The following JAZF1 variants were observed in gnomAD, a reference collection of about 807,000 sequenced individuals.
JAZF1 encodes JAZF zinc finger 1.
JAZF1 carries 8 observed loss-of-function variants against 26.4 expected under a neutral mutation model. The observed-to-expected ratio is 0.30, with a 90% confidence interval of 0.18 to 0.55. The LOEUF is 0.55. Among genes scored for constraint, JAZF1 ranks in the 20% least tolerant of loss-of-function variants. JAZF1 has a pLI of 0.94. For synonymous variants in JAZF1, 126 were observed against 122.3 expected (o/e 1.03, Z -0.20); for missense variants, 199 against 322.0 (o/e 0.62, Z 2.92).
chr7:27,992,338 A>G, intron 1 of JAZF1: 1 of 386,148 alleles, frequency 2.6e-6, no homozygotes, highest in East Asian at 7.7e-5. Context: ...AATTATGCTC[A>G]CTTCAATGCT....
chr7:28,029,468 C>T (rs545230618), intron 1 of JAZF1, among the ~76,000 whole-genome samples: 2 of 152,312 alleles, frequency 1.3e-5, no homozygotes, highest in South Asian at 2.1e-4. Context: ...GCACAGGCAA[C>T]AGAACAGACC....
intron 1 of JAZF1, among the ~76,000 whole-genome samples, chr7:28,138,905 A>G (rs768944610): frequency 2.0e-5 from 3 of 152,230 alleles, no homozygotes; most frequent in Non-Finnish European, 4.4e-5. Context: ...GGAGGCTCAA[A>G]TGAGATAACA....
intron 1 of JAZF1, 99 bp from the exon 2 acceptor site, chr7:27,992,080 T>C (rs774042562): frequency 3.8e-6 from 3 of 783,020 alleles, no homozygotes; most frequent in Admixed American, 1.8e-5. Flanking sequence ...AGAAAAAGAT[T>C]AATTTAGTAC....
At chr7:27,894,931 C>T (rs1356963822) in intron 3 of JAZF1, among the ~76,000 whole-genome samples, 1 of 152,048 alleles carries the variant, frequency 6.6e-6, no homozygotes, top group Non-Finnish European at 1.5e-5. Context: ...ATATGTATTA[C>T]AGAGCCCATT....
chr7:28,170,326 G>A (rs1226145933), intron 1 of JAZF1, among the ~76,000 whole-genome samples: 1 of 147,922 alleles, frequency 6.8e-6, no homozygotes, highest in South Asian at 2.1e-4. Context: ...TGAAGTAAAA[G>A]AGAAGTTGAT....
chr7:27,887,451 T>G (rs1466084619), intron 3 of JAZF1, among the ~76,000 whole-genome samples: 1 of 152,198 alleles, frequency 6.6e-6, no homozygotes, highest in Non-Finnish European at 1.5e-5. Context: ...AGTATCACTC[T>G]GTTACCCAGC....
intron 3 of JAZF1, among the ~76,000 whole-genome samples, chr7:27,851,309 C>T (rs1322369955): frequency 6.6e-6 from 1 of 152,166 alleles, no homozygotes; most frequent in Non-Finnish European, 1.5e-5. Context: ...CATATTTCAA[C>T]AAAATCATGC....
intron 1 of JAZF1, among the ~76,000 whole-genome samples, chr7:28,067,052 C>T (rs552722897): frequency 2.6e-5 from 4 of 152,220 alleles, no homozygotes; most frequent in South Asian, 4.1e-4. Flanking sequence ...AAATGAGAAT[C>T]TTTGACAAGC....
chr7:28,102,257 C>T (rs1234401268), intron 1 of JAZF1, among the ~76,000 whole-genome samples: 1 of 152,236 alleles, frequency 6.6e-6, no homozygotes, highest in East Asian at 1.9e-4. Context: ...AAGCAAATGT[C>T]TTTATCTCTT....
intron 1 of JAZF1, among the ~76,000 whole-genome samples, chr7:28,107,160 T>A (rs911671890): frequency 1.7e-4 from 26 of 152,338 alleles, no homozygotes; most frequent in African/African-American, 5.5e-4. Context: ...TATTTGTCCC[T>A]CAAACACCAA....
At chr7:28,067,818 T>C (rs1446470804) in intron 1 of JAZF1, among the ~76,000 whole-genome samples, 1 of 152,208 alleles carries the variant, frequency 6.6e-6, no homozygotes, top group Non-Finnish European at 1.5e-5. Context: ...GCTCACTTGC[T>C]AATCAGTGCC....
intron 3 of JAZF1, among the ~76,000 whole-genome samples, chr7:27,849,772 C>CATAT (rs1554329083): frequency 6.8e-6 from 1 of 147,014 alleles, no homozygotes; most frequent in Non-Finnish European, 1.5e-5. Context: ...CACACACACA[C>CATAT]ACCCCTACAC....
intron 1 of JAZF1, among the ~76,000 whole-genome samples, chr7:28,091,979 T>C (rs1183277134): frequency 6.6e-6 from 1 of 152,100 alleles, no homozygotes; most frequent in Admixed American, 6.6e-5. Flanking sequence ...TTTGCTACGA[T>C]GGCTTAATTA....
intron 2 of JAZF1, among the ~76,000 whole-genome samples, chr7:27,897,052 G>T: frequency 6.6e-6 from 1 of 151,822 alleles, no homozygotes; most frequent in East Asian, 1.9e-4. Context: ...TAAAAATACA[G>T]ACTCACAGAG....
chr7:27,982,890 G>A (rs374434367), intron 2 of JAZF1, among the ~76,000 whole-genome samples: 1 of 152,160 alleles, frequency 6.6e-6, no homozygotes, highest in African/African-American at 2.4e-5. Flanking sequence ...CTGACTATTA[G>A]AAGGAAAACT....
At chr7:28,112,536 C>T (rs1784678821) in intron 1 of JAZF1, among the ~76,000 whole-genome samples, 1 of 151,958 alleles carries the variant, frequency 6.6e-6, no homozygotes, top group South Asian at 2.1e-4. Context: ...ATTTTTAAAT[C>T]ATGTGACAAA....
intron 1 of JAZF1, among the ~76,000 whole-genome samples, chr7:28,121,529 C>A (rs554868065): frequency 6.6e-6 from 1 of 152,300 alleles, no homozygotes; most frequent in Non-Finnish European, 1.5e-5. Flanking sequence ...CTCCACTATT[C>A]GTATGACACT....
At position 27,886,738 on chromosome 7, in the gene JAZF1, C is replaced by T. The variant is rs149508849; in HGVS notation, c.385+8482G>A. 2.9e-3 allele frequency among the ~76,000 whole-genome samples: 437 copies of T among 152,320 alleles called. 2 individuals are homozygous for T. The highest frequency in any genetic ancestry group is 1.0e-2 in the African/African-American group (415 of 41,558). The stretch of plus-strand genomic sequence containing the variant: ...AAGTTCTAAACCACAAAGGCTATGC[C>T]TTATGCTTTTCTGTATCCCCAATAC... On this transcript the variant is annotated intron_variant, in intron 3 of 4. Coordinates refer to ENST00000283928, the MANE Select transcript of JAZF1 (RefSeq NM_175061.4).
chr7:28,073,917 C>T (rs1199114745), intron 1 of JAZF1, among the ~76,000 whole-genome samples: 1 of 150,478 alleles, frequency 6.6e-6, no homozygotes, highest in Non-Finnish European at 1.5e-5. Context: ...GAAAAAAGAA[C>T]CTAAATGCCA....
Sources: gnomAD v4.1 joint callset for allele counts (sites outside exome capture counted in the v4.1 genomes callset) on GRCh38, gnomAD v4.1.1 for gene constraint, MANE v1.5 for transcripts, NCBI Gene and HGNC (gene_info 2026-07-23, HGNC 2026-07-21) for gene names.